The following BNC2 variants were observed in gnomAD, a reference collection of about 807,000 sequenced individuals.
BNC2 encodes basonuclin zinc finger protein 2.
BNC2 carries 20 observed loss-of-function variants against 76.3 expected under a neutral mutation model. That is an observed-to-expected ratio of 0.26 (90% CI 0.18 to 0.38). BNC2 has a LOEUF of 0.38. Ranked by LOEUF, BNC2 falls within the 10% of genes least tolerant of loss-of-function variation. The pLI is 1.00. For missense variants in BNC2, 1,382 were observed against 1,399.8 expected, an observed-to-expected ratio of 0.99 and a Z score of 0.20; for synonymous variants, 582 against 514.8, an observed-to-expected ratio of 1.13 and a Z score of -1.77.
intron 1 of BNC2, among the ~76,000 whole-genome samples, chr9:16,791,411 G>A (rs1443092134): frequency 2.0e-5 from 3 of 152,048 alleles, no homozygotes; most frequent in African/African-American, 7.2e-5. Context: ...TGTGTTGAGG[G>A]ACTAGTATTA....
Position 16,436,187 on chromosome 9 carries a change from G to C in BNC2, c.2007C>G (p.Asp669Glu), listed in dbSNP as rs755261556. 5 of 1,614,170 alleles carry C rather than the reference G, an allele frequency of 3.1e-6. No individual in the cohort carries two copies. The highest frequency in any genetic ancestry group is 4.2e-6 in the Non-Finnish European group (5 of 1,180,032). The change falls in exon 6 of 7, where the codon GAC becomes GAG. Residue 669 changes from aspartate to glutamate, a missense_variant. This residue lies in a region of BNC2 where 798 missense variants were observed against 775.5 expected (regional missense o/e 1.03). Transcript: ENST00000380672. ...DPNDGGAVVN[D>E]MSHDNHCHSQ... ...AGTGACAATGATTGTCATGGCTCATGTCATTGACCACAGCTCCACCATCAT... is the reference window on the plus strand; with the variant it reads ...AGTGACAATGATTGTCATGGCTCATCTCATTGACCACAGCTCCACCATCAT...
At chr9:16,709,510 T>C (rs1276595837) in intron 3 of BNC2, among the ~76,000 whole-genome samples, 2 of 152,164 alleles carry the variant, frequency 1.3e-5, no homozygotes. Flanking sequence ...CGAATTTTGT[T>C]TGGTTAGTTT....
At chr9:16,722,832 C>T (rs577606544) in intron 3 of BNC2, among the ~76,000 whole-genome samples, 5 of 152,222 alleles carry the variant, frequency 3.3e-5, no homozygotes, top group Admixed American at 6.5e-5. Flanking sequence ...ACAAATGAGA[C>T]GGTATCTCTT....
intron 5 of BNC2, among the ~76,000 whole-genome samples, chr9:16,448,197 C>G (rs529839747): frequency 6.6e-6 from 1 of 152,262 alleles, no homozygotes; most frequent in Admixed American, 6.5e-5. Context: ...TAGCTTACCT[C>G]TCCTTGCATA....
intron 6 of BNC2, among the ~76,000 whole-genome samples, chr9:16,432,263 G>C (rs1209977301): frequency 6.6e-6 from 1 of 152,156 alleles, no homozygotes; most frequent in Non-Finnish European, 1.5e-5. Flanking sequence ...AACAAATCTT[G>C]CATGTGTCTC....
chr9:16,845,169 G>T (rs1026913768), intron 1 of BNC2, among the ~76,000 whole-genome samples: 1 of 152,104 alleles, frequency 6.6e-6, no homozygotes, highest in Non-Finnish European at 1.5e-5. Flanking sequence ...CTTTCTCTTA[G>T]GCAGCCTATC....
At chr9:16,478,353 C>T (rs866259228) in intron 5 of BNC2, among the ~76,000 whole-genome samples, 6 of 152,156 alleles carry the variant, frequency 3.9e-5, no homozygotes, top group Admixed American at 6.5e-5. Context: ...CAATGCTCCT[C>T]ATACACAGTG....
rs1222549043 is a variant in BNC2, at chr9:16,500,618, C to A, written c.669+51912G>T. Among the ~76,000 whole-genome samples, 5 of 152,202 alleles carry A rather than the reference C, an allele frequency of 3.3e-5. No homozygotes were observed. In the South Asian group the frequency reaches 8.3e-4, roughly 25 times the overall value. On this transcript the variant is annotated intron_variant, in intron 5 of 6. Transcript: ENST00000380672. ...GCAAGTCTGAGTTATGCTAACCAAT[C>A]TTCTATATGCGCTTGCAAATTTTGG...
At chr9:16,780,725 G>A (rs1419497939) in intron 1 of BNC2, among the ~76,000 whole-genome samples, 1 of 151,988 alleles carries the variant, frequency 6.6e-6, no homozygotes, top group Non-Finnish European at 1.5e-5. Flanking sequence ...GAAAACAACA[G>A]GACTTCAGCC....
chr9:16,694,363 T>TA (rs1414691478), intron 3 of BNC2, among the ~76,000 whole-genome samples: 9 of 151,916 alleles, frequency 5.9e-5, no homozygotes, highest in Admixed American at 3.9e-4. Context: ...ATTATGATTT[T>TA]AAAAAAAAGT....
chr9:16,487,348 G>A (rs1466543045), intron 5 of BNC2, among the ~76,000 whole-genome samples: 1 of 151,996 alleles, frequency 6.6e-6, no homozygotes, highest in African/African-American at 2.4e-5. Flanking sequence ...GAATACAACT[G>A]CACTTAAAAA....
At chr9:16,583,154 A>G (rs747612510) in intron 3 of BNC2, 69 bp from the exon 4 acceptor site, 33 of 1,265,104 alleles carry the variant, frequency 2.6e-5, no homozygotes, top group Non-Finnish European at 3.7e-5. Flanking sequence ...CACCATTTCA[A>G]TAAATATTGC....
rs1563926963 is a variant in BNC2, at chr9:16,751,662, G to GTGTGTATA, written c.4-13178_4-13177insTATACACA. ...TATATGTATGTGTGTATATATATAT[G>GTGTGTATA]TATGTATGTGTATATATATATGTAT... On this transcript the variant is annotated intron_variant, in intron 1 of 6. Coordinates refer to ENST00000380672, the MANE Select transcript of BNC2 (RefSeq NM_017637.6). Among the ~76,000 whole-genome samples, 23 of 83,180 alleles carry GTGTGTATA rather than the reference G, an allele frequency of 2.8e-4. 1 individual carries two copies. Among genetic ancestry groups the GTGTGTATA allele is most frequent in the African/African-American group, 6.5e-4 (22 of 34,002 alleles). The allele number at this position is 83,180 out of a possible 152,430, so 54.6% of individuals were successfully genotyped here.
At chr9:16,459,343 T>C (rs1333554880) in intron 5 of BNC2, among the ~76,000 whole-genome samples, 1 of 151,744 alleles carries the variant, frequency 6.6e-6, no homozygotes, top group African/African-American at 2.4e-5. Flanking sequence ...ATTCAGGGAG[T>C]TTCCAGGCCT....
chr9:16,870,523 G>T, intron 1 of BNC2, 123 bp downstream of exon 1: 3 of 1,108,382 alleles, frequency 2.7e-6, no homozygotes, highest in African/African-American at 1.6e-5. Context: ...AGCGCCCCTT[G>T]CCCCTCACGC....
intron 3 of BNC2, among the ~76,000 whole-genome samples, chr9:16,584,501 T>G (rs979239265): frequency 6.6e-6 from 1 of 152,174 alleles, no homozygotes; most frequent in Non-Finnish European, 1.5e-5. Flanking sequence ...GAGTCCTCAC[T>G]GTAGACTCCA....
intron 4 of BNC2, among the ~76,000 whole-genome samples, chr9:16,567,871 C>G (rs931735435): frequency 2.0e-5 from 3 of 152,072 alleles, no homozygotes; most frequent in Non-Finnish European, 4.4e-5. Context: ...ATGTGAAGTA[C>G]AATGATTTTT....
chr9:16,724,527 G>GA (rs1563915791), intron 3 of BNC2, among the ~76,000 whole-genome samples: 1 of 151,976 alleles, frequency 6.6e-6, no homozygotes, highest in African/African-American at 2.4e-5. Context: ...AATAATTTGA[G>GA]AAAATCATAC....
At chr9:16,808,191 A>C (rs1817958579) in intron 1 of BNC2, among the ~76,000 whole-genome samples, 1 of 152,228 alleles carries the variant, frequency 6.6e-6, no homozygotes, top group South Asian at 2.1e-4. Context: ...TTTTTTAAAC[A>C]CAGGAAGAAT....
Sources: gnomAD v4.1 joint callset for allele counts (sites outside exome capture counted in the v4.1 genomes callset) on GRCh38, gnomAD v4.1.1 for gene constraint, gnomAD v4.1.1 regional missense constraint, MANE v1.5 for transcripts, NCBI Gene and HGNC (gene_info 2026-07-23, HGNC 2026-07-21) for gene names.